Variants in OSBPL9 observed in about 807,000 individuals in gnomAD.
The protein encoded by OSBPL9 is oxysterol-binding protein-related protein 9.
In OSBPL9, 40 loss-of-function variants were observed where a neutral mutation model predicts 106.6. That is an observed-to-expected ratio of 0.38 (90% confidence interval 0.29 to 0.49). The LOEUF is 0.49. OSBPL9 is among the 20% of genes least tolerant of loss of function. The probability of loss-of-function intolerance (pLI) is 0.97; values close to 1 mark genes in which losing one functional copy is unlikely to be tolerated. For synonymous variants in OSBPL9, 269 were observed against 295.4 expected, an observed-to-expected ratio of 0.91 and a Z score of 0.92; for missense variants, 609 against 887.2, an observed-to-expected ratio of 0.69 and a Z score of 3.98.
chr1:51,616,857 C>T, upstream of OSBPL9: 1 of 462,380 alleles, frequency 2.2e-6, no homozygotes, highest in Non-Finnish European at 3.7e-6. Context: ...TTTTTCTTTA[C>T]TCTAATCCCA....
intron 3 of OSBPL9, among the ~76,000 whole-genome samples, chr1:51,683,933 A>G (rs1046545393): frequency 3.9e-5 from 6 of 152,188 alleles, no homozygotes; most frequent in African/African-American, 1.4e-4. Context: ...GAGGCAGTGA[A>G]TGTTGGGGAG....
the OSBPL9 span, among the ~76,000 whole-genome samples, chr1:51,527,332 GAT>G: frequency 0.17 from 24,496 of 142,500 alleles, 3,065 homozygotes; most frequent in African/African-American, 0.36. Flanking sequence ...TGATGATGGT[GAT>G]GATGATGATG....
At chr1:51,606,954 G>A (rs1217117142) in intron 2 of OSBPL9, among the ~76,000 whole-genome samples, 3 of 151,850 alleles carry the variant, frequency 2.0e-5, no homozygotes, top group Admixed American at 2.0e-4. Flanking sequence ...GGAGGCTGAG[G>A]CAGGAGAATG....
chr1:51,767,599 C>A (rs1187831415), intron 12 of OSBPL9, among the ~76,000 whole-genome samples: 1 of 151,978 alleles, frequency 6.6e-6, no homozygotes, highest in South Asian at 2.1e-4. Context: ...AATTTGCAAG[C>A]CAATTACCTT....
the OSBPL9 span, among the ~76,000 whole-genome samples, chr1:51,571,019 G>C: frequency 0.21 from 32,272 of 151,896 alleles, 5,333 homozygotes; most frequent in African/African-American, 0.46. Context: ...TGGGGTTTCA[G>C]CATGTTGGCC....
chr1:51,710,670 A>G (rs1659607764), intron 3 of OSBPL9, among the ~76,000 whole-genome samples: 1 of 152,236 alleles, frequency 6.6e-6, no homozygotes, highest in Admixed American at 6.5e-5. Flanking sequence ...ACTCTCTTTT[A>G]GCCATTAAAT....
intron 4 of OSBPL9, among the ~76,000 whole-genome samples, chr1:51,725,731 A>G (rs1662997194): frequency 6.6e-6 from 1 of 152,170 alleles, no homozygotes; most frequent in Non-Finnish European, 1.5e-5. Context: ...GAGGGGACGC[A>G]TTAGGGGATT....
intron 1 of OSBPL9, among the ~76,000 whole-genome samples, chr1:51,641,823 T>A (rs1216916281): frequency 6.6e-6 from 1 of 152,200 alleles, no homozygotes; most frequent in African/African-American, 2.4e-5. Context: ...ATCTACAGAA[T>A]AAATTGATTT....
intron 2 of OSBPL9, among the ~76,000 whole-genome samples, chr1:51,655,583 G>T (rs1454293148): frequency 6.6e-6 from 1 of 152,116 alleles, no homozygotes; most frequent in Non-Finnish European, 1.5e-5. Flanking sequence ...TTACTCCTGC[G>T]ATATCATATT....
In OSBPL9 at chr1:51,777,636, T is replaced by A. The variant is rs184994165; in HGVS notation, c.1256+718T>A. ...TTGGCTGACATTGATAAATATATAT[T>A]TTTTTTTTCTTGATGAAGATTTAAA... On this transcript the variant is annotated intron_variant, in intron 15 of 23. Coordinates refer to ENST00000428468, the MANE Select transcript of OSBPL9 (RefSeq NM_024586.6). Among the ~76,000 whole-genome samples, 966 of 132,604 alleles carry A rather than the reference T, an allele frequency of 7.3e-3. 10 individuals are homozygous for A. The highest frequency in any genetic ancestry group is 0.026 in the African/African-American group (700 of 26,904). The allele number at this position is 132,604 out of a possible 152,430, so 87.0% of individuals were successfully genotyped here.
chr1:51,573,228 G>A (rs1041185987), upstream of OSBPL9, among the ~76,000 whole-genome samples: 6 of 149,086 alleles, frequency 4.0e-5, no homozygotes, highest in African/African-American at 1.3e-4. Context: ...AAAAAAAAAG[G>A]TCGGGTGCAG....
intron 8 of OSBPL9, among the ~76,000 whole-genome samples, chr1:51,753,572 A>G (rs953809347): frequency 5.9e-5 from 9 of 152,234 alleles, no homozygotes; most frequent in Admixed American, 5.9e-4. Context: ...GGTTAATAAA[A>G]TACCAGAATC....
At chr1:51,685,915 C>G (rs556503343) in intron 3 of OSBPL9, among the ~76,000 whole-genome samples, 1 of 152,134 alleles carries the variant, frequency 6.6e-6, no homozygotes, top group Non-Finnish European at 1.5e-5. Flanking sequence ...AAAAAGAAAT[C>G]GAGTTCAAAT....
At chr1:51,586,992 G>A (rs901484148) in intron 1 of OSBPL9, among the ~76,000 whole-genome samples, 2 of 152,158 alleles carry the variant, frequency 1.3e-5, no homozygotes, top group Admixed American at 6.5e-5. Context: ...TAGCCTCTCA[G>A]TTTCCTCATC....
At chr1:51,653,200 T>G (rs1206405903) in intron 2 of OSBPL9, among the ~76,000 whole-genome samples, 2 of 151,922 alleles carry the variant, frequency 1.3e-5, no homozygotes, top group Non-Finnish European at 2.9e-5. Context: ...GTTTTTGTTT[T>G]TTTTTTTCTA....
At chr1:51,534,061 G>A in the OSBPL9 span, among the ~76,000 whole-genome samples, 42 of 151,648 alleles carry the variant, frequency 2.8e-4, 1 homozygote, top group East Asian at 5.4e-3. Flanking sequence ...AAAAACTAGC[G>A]GGGAGTGGTG....
intron 3 of OSBPL9, among the ~76,000 whole-genome samples, chr1:51,699,177 A>G (rs113201702): frequency 2.3e-4 from 35 of 152,332 alleles, no homozygotes; most frequent in Non-Finnish European, 3.5e-4. Context: ...TAAAGTCAAC[A>G]CTAGAAAGAA....
chr1:51,528,016 T>A, the OSBPL9 span, among the ~76,000 whole-genome samples: 1 of 150,568 alleles, frequency 6.6e-6, no homozygotes, highest in Non-Finnish European at 1.5e-5. Flanking sequence ...CCCAGCTACT[T>A]GGGAGGCTGA....
chr1:51,566,027 C>A, the OSBPL9 span: 1 of 152,138 alleles, frequency 6.6e-6, no homozygotes, highest in Non-Finnish European at 1.5e-5. Context: ...ACTTAAGAGT[C>A]AAAAAGATGT....
Sources: gnomAD v4.1 joint callset for allele counts (sites outside exome capture counted in the v4.1 genomes callset) on GRCh38, gnomAD v4.1.1 for gene constraint, MANE v1.5 for transcripts, NCBI Gene and HGNC (gene_info 2026-07-23, HGNC 2026-07-21) for gene names.